The following CDH4 variants were observed in gnomAD, a reference collection of about 807,000 sequenced individuals.
CDH4 encodes cadherin-4.
CDH4 carries 33 observed loss-of-function variants against 86.0 expected under a neutral mutation model. The ratio of observed to expected loss-of-function variants is 0.38; its 90% CI spans 0.29 to 0.51. The LOEUF is 0.51. Ranked by LOEUF, CDH4 falls within the 20% of genes least tolerant of loss-of-function variation. The probability of loss-of-function intolerance (pLI) is 0.86; values close to 1 mark genes in which losing one functional copy is unlikely to be tolerated. For missense variants in CDH4, 1,114 were observed against 1,307.4 expected (o/e 0.85, Z 2.28); for synonymous variants, 555 against 549.4 (o/e 1.01, Z -0.14).
chr20:61,920,639 TTGCATGGAAGCGTGGTGTCACAGTGAC>T (rs1390229802), intron 9 of CDH4, among the ~76,000 whole-genome samples: 7 of 137,090 alleles, frequency 5.1e-5, no homozygotes, highest in Non-Finnish European at 8.6e-5. Flanking sequence ...GTCACAGTGA[TTGCATGGAAGCGTGGTGTCACAGTGAC>T]TGCATGGAAG....
chr20:61,734,798 C>T (rs1255983943), intron 2 of CDH4, among the ~76,000 whole-genome samples: 2 of 152,204 alleles, frequency 1.3e-5, no homozygotes, highest in African/African-American at 4.8e-5. Context: ...TCTCCGTCCC[C>T]ACCCAGCACG....
chr20:61,643,845 G>T (rs1425132317), intron 2 of CDH4, among the ~76,000 whole-genome samples: 1 of 152,232 alleles, frequency 6.6e-6, no homozygotes, highest in African/African-American at 2.4e-5. Flanking sequence ...TTTGGCACTG[G>T]GGCATCCCCA....
chr20:61,713,158 G>C (rs1173103592), intron 2 of CDH4, among the ~76,000 whole-genome samples: 1 of 150,042 alleles, frequency 6.7e-6, no homozygotes, highest in Non-Finnish European at 1.5e-5. Flanking sequence ...GCAAAAATAA[G>C]TAAAGATGCT....
At chr20:61,812,700 T>C (rs1053826946) in intron 4 of CDH4, among the ~76,000 whole-genome samples, 1 of 152,234 alleles carries the variant, frequency 6.6e-6, no homozygotes, top group East Asian at 1.9e-4. Flanking sequence ...CAACGCCCTT[T>C]GGGGATAATA....
intron 2 of CDH4, among the ~76,000 whole-genome samples, chr20:61,466,104 G>A (rs1335683622): frequency 3.3e-5 from 5 of 152,200 alleles, no homozygotes; most frequent in African/African-American, 7.2e-5. Context: ...CCAAGGAGAT[G>A]TGGATTTCCA....
chr20:61,747,567 G>T (rs958502541), intron 3 of CDH4, among the ~76,000 whole-genome samples: 1 of 152,040 alleles, frequency 6.6e-6, no homozygotes, highest in Non-Finnish European at 1.5e-5. Flanking sequence ...GAGATAATTA[G>T]AAGGTATAAA....
In CDH4 at chr20:61,676,680, A is replaced by T. The variant is rs1600864309; in HGVS notation, c.170-66883A>T. 6.6e-6 allele frequency among the ~76,000 whole-genome samples: 1 copy of T among 151,980 alleles called. No individual in the cohort carries two copies. The highest frequency in any genetic ancestry group is 6.6e-5 in the Admixed American group (1 of 15,260). ...TCAACAAACAAACTCAATCCCACAC[A>T]CCCCCAGGAGCCTATGGAAGTGACC... is the stretch of plus-strand genomic sequence containing the variant. On this transcript the variant is annotated intron_variant, in intron 2 of 15. Transcript: ENST00000614565. This position sits in a 1 kb window ranked among gnomAD's most constrained non-coding sequence, Gnocchi z 4.5.
chr20:61,709,596 T>G lies in CDH4; in HGVS notation c.170-33967T>G, dbSNP rs2087868197. On this transcript the variant is annotated intron_variant, in intron 2 of 15. Coordinates refer to ENST00000614565, the MANE Select transcript of CDH4 (RefSeq NM_001794.5). This position sits in a 1 kb window ranked among gnomAD's most constrained non-coding sequence, Gnocchi z 4.8. ...TGGCAATTTTTGAATGACAATTTTT[T>G]TTTTTTTATCGCTGGCTAATCACAG... Among the ~76,000 whole-genome samples, 1 of 151,948 alleles carries G rather than the reference T, an allele frequency of 6.6e-6. No homozygotes were observed.
intron 2 of CDH4, among the ~76,000 whole-genome samples, chr20:61,420,332 C>A (rs1029049349): frequency 1.2e-4 from 19 of 152,208 alleles, no homozygotes; most frequent in African/African-American, 4.1e-4. Context: ...GTGCTCCTTG[C>A]TCTGGAAGGC....
chr20:61,555,025 C>T (rs114912891), intron 2 of CDH4, among the ~76,000 whole-genome samples: 2,248 of 152,310 alleles, frequency 0.015, 27 homozygotes, highest in African/African-American at 0.037. Flanking sequence ...TGTGTGTGCA[C>T]ACCTGTGTGC....
intron 2 of CDH4, among the ~76,000 whole-genome samples, chr20:61,649,892 C>T (rs2087103813): frequency 6.6e-6 from 1 of 152,176 alleles, no homozygotes; most frequent in African/African-American, 2.4e-5. Flanking sequence ...GTCTGACCTC[C>T]AGGACGCTGA....
At chr20:61,750,878 T>C (rs1215125135) in intron 3 of CDH4, among the ~76,000 whole-genome samples, 2 of 152,170 alleles carry the variant, frequency 1.3e-5, no homozygotes, top group Admixed American at 6.5e-5. Flanking sequence ...CCAATTACAA[T>C]AGCATTAAAA....
chr20:61,445,975 G>A (rs1362182650), intron 2 of CDH4, among the ~76,000 whole-genome samples: 1 of 152,244 alleles, frequency 6.6e-6, no homozygotes, highest in Admixed American at 6.5e-5. Context: ...GTGGATAGCA[G>A]TTGGTTACAG....
chr20:61,531,300 C>T (rs1456536597), intron 2 of CDH4, among the ~76,000 whole-genome samples: 3 of 151,834 alleles, frequency 2.0e-5, no homozygotes, highest in Admixed American at 6.6e-5. Flanking sequence ...GGTGAAACCC[C>T]GTCTCTACTA....
intron 2 of CDH4, among the ~76,000 whole-genome samples, chr20:61,266,028 G>C (rs2084156512): frequency 2.0e-5 from 3 of 152,184 alleles, no homozygotes; most frequent in Admixed American, 2.0e-4. Flanking sequence ...TCCTCGTTTG[G>C]ATTCACTGTG....
In CDH4 at chr20:61,377,463, T is replaced by C. The variant is rs1292896439; in HGVS notation, c.169+122526T>C. Among the ~76,000 whole-genome samples the C allele has an allele frequency of 6.6e-6, 1 of 152,286 alleles. No homozygotes were observed. The highest frequency in any genetic ancestry group is 1.9e-4 in the East Asian group (1 of 5,174). ...ACCTCCCTGGTGCCTTTCCTGAGTG[T>C]AAAACCCTCCAGCACCAAGACATCC... is the stretch of plus-strand genomic sequence containing the variant. On this transcript the variant is annotated intron_variant, in intron 2 of 15. Coordinates refer to ENST00000614565, the MANE Select transcript of CDH4 (RefSeq NM_001794.5). The surrounding 1 kb of genome is among the most constrained non-coding windows in gnomAD (Gnocchi z 4.0).
chr20:61,821,232 G>A (rs1359208039), intron 4 of CDH4, among the ~76,000 whole-genome samples: 1 of 82,400 alleles, frequency 1.2e-5, no homozygotes, highest in Non-Finnish European at 2.3e-5. Flanking sequence ...CCCCACCCCA[G>A]CCCAGATCCC....
At chr20:61,625,619 A>G (rs6061679) in intron 2 of CDH4, among the ~76,000 whole-genome samples, 98,776 of 152,040 alleles carry the variant, frequency 0.65, 32,887 homozygotes, top group African/African-American at 0.8. Context: ...AGGAAAAAAC[A>G]GGGTTTTTAA....
At chr20:61,625,290 T>C (rs2145780038) in intron 2 of CDH4, among the ~76,000 whole-genome samples, 1 of 152,326 alleles carries the variant, frequency 6.6e-6, no homozygotes, top group Admixed American at 6.5e-5. Flanking sequence ...AGTTTGTTTC[T>C]CTGTGGATTT....
Sources: allele counts gnomAD v4.1 joint callset (sites outside exome capture counted in the v4.1 genomes callset), GRCh38; gene constraint gnomAD v4.1.1; non-coding constraint Gnocchi (gnomAD v3.1); transcripts MANE v1.5; gene names NCBI Gene and HGNC (gene_info 2026-07-23, HGNC 2026-07-21).